LETMD1: variants seen among roughly 807,000 people sequenced by gnomAD.
LETMD1 encodes LETM1 domain-containing protein 1.
LETMD1 carries 30 observed loss-of-function variants against 43.9 expected under a neutral mutation model. The ratio of observed to expected loss-of-function variants is 0.68; its 90% CI spans 0.51 to 0.93. The LOEUF is 0.93. Ranked by LOEUF, LETMD1 falls within the 40% of genes least tolerant of loss-of-function variation. LETMD1 has a pLI of 0.00. For synonymous variants in LETMD1, 176 were observed against 163.1 expected, an observed-to-expected ratio of 1.08 and a Z score of -0.60; for missense variants, 413 against 447.7, an observed-to-expected ratio of 0.92 and a Z score of 0.70.
Position 51,052,088 on chromosome 12 carries a change from G to T in LETMD1, c.275-4G>T. 1.2e-6 allele frequency: 2 copies of T among 1,612,928 alleles called. No individual in the cohort carries two copies. Among genetic ancestry groups the T allele is most frequent in the Non-Finnish European group, 1.7e-6 (2 of 1,179,298 alleles). ...ACACTCTGTCCTCTACTTTAATGAGGCAGGATTGCAGATGTTATGGGCTGA... is the reference window on the plus strand; with the variant it reads ...ACACTCTGTCCTCTACTTTAATGAGTCAGGATTGCAGATGTTATGGGCTGA... On this transcript the variant is annotated splice_polypyrimidine_tract_variant and splice_region_variant and intron_variant, in intron 2 of 8. Transcript: ENST00000262055.
downstream of LETMD1, chr12:51,061,680 T>C (rs1239944807): frequency 6.6e-6 from 1 of 152,292 alleles, no homozygotes; most frequent in Non-Finnish European, 1.5e-5. Flanking sequence ...ACATATCTTG[T>C]GGGTTGGCAA....
In LETMD1 at chr12:51,056,156, A is replaced by G; in HGVS notation, c.673A>G (p.Thr225Ala). 1 of 1,614,150 alleles carries G rather than the reference A, an allele frequency of 6.2e-7. No homozygotes were observed. The highest frequency in any genetic ancestry group is 1.7e-5 in the Admixed American group (1 of 60,030). The change falls in exon 6 of 9, where the codon ACC becomes GCC. Residue 225 changes from threonine (T) to alanine (A), a missense_variant. Transcript: ENST00000262055. The part of the protein sequence containing the change: ...TDLCTKIQRG[T>A]HPAIHDILAL... ...TACCTCTTCCAAGATACAGCGTGGT[A>G]CCCACCCAGCAATACATGATATCTT...
the LETMD1 span, among the ~76,000 whole-genome samples, chr12:51,065,995 T>C: frequency 3.9e-5 from 6 of 152,182 alleles, no homozygotes; most frequent in Non-Finnish European, 8.8e-5. Context: ...TGTTTTCAAC[T>C]GAAATGTGTC....
At chr12:51,051,908 G>T (rs1946277610) in intron 2 of LETMD1, among the ~76,000 whole-genome samples, 184 bp from the exon 3 acceptor site, 1 of 152,142 alleles carries the variant, frequency 6.6e-6, no homozygotes, top group East Asian at 1.9e-4. Flanking sequence ...TGTGCTAGGG[G>T]AAAAAATGTT....
downstream of LETMD1, among the ~76,000 whole-genome samples, chr12:51,065,014 T>C (rs900274829): frequency 2.6e-5 from 4 of 152,182 alleles, no homozygotes; most frequent in South Asian, 6.2e-4. Flanking sequence ...TGAATGCTGA[T>C]AGTTTTCACA....
At chr12:51,063,954 A>T (rs1592736544), downstream of LETMD1, 1 of 1,612,576 alleles carries the variant, frequency 6.2e-7, no homozygotes, top group Admixed American at 1.7e-5. Flanking sequence ...TGTTTTCCCC[A>T]CCTCTGATTT....
chr12:51,063,813 T>C, downstream of LETMD1: 2 of 1,610,400 alleles, frequency 1.2e-6, no homozygotes, highest in African/African-American at 1.3e-5. Flanking sequence ...CTGGGAGGTC[T>C]TCACCATCCC....
rs1341075777 is a variant in LETMD1 at position 51,049,020 on chromosome 12, G to A, written c.123-14G>A. On this transcript the variant is annotated splice_polypyrimidine_tract_variant and intron_variant, in intron 1 of 8. Transcript: ENST00000262055. ...GGACTGATTCCCAGATAGTCTCTTTGATCTTCCTTGTAGGTCTTCAAAGCT... is the reference window on the plus strand; with the variant it reads ...GGACTGATTCCCAGATAGTCTCTTTAATCTTCCTTGTAGGTCTTCAAAGCT... 1.9e-6 allele frequency: 3 copies of A among 1,610,812 alleles called. No individual in the cohort carries two copies. The highest frequency in any genetic ancestry group is 2.2e-5 in the East Asian group (1 of 44,848).
chr12:51,068,584 G>A, the LETMD1 span, among the ~76,000 whole-genome samples: 5 of 152,024 alleles, frequency 3.3e-5, no homozygotes, highest in African/African-American at 9.7e-5. Context: ...TCAAAAACCC[G>A]TCTCATCTTC....
intron 2 of LETMD1, among the ~76,000 whole-genome samples, chr12:51,050,353 G>A (rs866964404): frequency 6.6e-6 from 1 of 151,482 alleles, no homozygotes; most frequent in South Asian, 2.1e-4. Context: ...CTCCCAAGTA[G>A]CTGGGAATAC....
intron 4 of LETMD1, among the ~76,000 whole-genome samples, chr12:51,054,480 G>A (rs899073793): frequency 6.6e-6 from 1 of 152,148 alleles, no homozygotes; most frequent in African/African-American, 2.4e-5. Context: ...TCTTATGTCT[G>A]GTGCCCTGGC....
downstream of LETMD1, among the ~76,000 whole-genome samples, chr12:51,065,197 T>A (rs188962125): frequency 1.3e-5 from 2 of 152,290 alleles, no homozygotes; most frequent in African/African-American, 4.8e-5. Context: ...GTGCCTTAGT[T>A]TGCTAAGGTG....
At chr12:51,064,953 AC>A (rs946932086), downstream of LETMD1, among the ~76,000 whole-genome samples, 2 of 152,228 alleles carry the variant, frequency 1.3e-5, no homozygotes, top group African/African-American at 4.8e-5. Context: ...TAACAAGTAG[AC>A]AAAATCACAG....
At chr12:51,050,232 A>T (rs570714962) in intron 2 of LETMD1, among the ~76,000 whole-genome samples, 9 of 145,180 alleles carry the variant, frequency 6.2e-5, no homozygotes, top group South Asian at 2.2e-4. Context: ...TTTATTATGA[A>T]TTTTTTTTTT....
chr12:51,051,264 T>C (rs557268622), intron 2 of LETMD1, among the ~76,000 whole-genome samples: 5 of 149,706 alleles, frequency 3.3e-5, no homozygotes, highest in African/African-American at 1.2e-4. Context: ...ATTAGCCAGG[T>C]GTGGTGATGG....
intron 3 of LETMD1, among the ~76,000 whole-genome samples, chr12:51,053,077 A>G (rs948973465): frequency 6.6e-6 from 1 of 151,466 alleles, no homozygotes; most frequent in Non-Finnish European, 1.5e-5. Context: ...GCGCCACTGC[A>G]CTCCAGCCTG....
At chr12:51,067,047 C>T in the LETMD1 span, among the ~76,000 whole-genome samples, 1 of 151,992 alleles carries the variant, frequency 6.6e-6, no homozygotes, top group Non-Finnish European at 1.5e-5. This position sits in a 1 kb window ranked among gnomAD's most constrained non-coding sequence, Gnocchi z 4.1. Context: ...CCAGGCTGGT[C>T]TCGAACTCCT....
At chr12:51,058,438 G>T (rs982759277) in intron 8 of LETMD1, 1 of 272,748 alleles carries the variant, frequency 3.7e-6, no homozygotes, top group Non-Finnish European at 7.0e-6. Flanking sequence ...TTTATTTTGA[G>T]ACGGGGTTTC....
the LETMD1 span, chr12:51,067,652 C>T: frequency 6.2e-7 from 1 of 1,607,182 alleles, no homozygotes; most frequent in South Asian, 1.1e-5. This position sits in a 1 kb window ranked among gnomAD's most constrained non-coding sequence, Gnocchi z 4.1. Context: ...GATATACTAT[C>T]TCAGGCCAAC....
Sources: allele counts gnomAD v4.1 joint callset (sites outside exome capture counted in the v4.1 genomes callset), GRCh38; gene constraint gnomAD v4.1.1; non-coding constraint Gnocchi (gnomAD v3.1); transcripts MANE v1.5; gene names NCBI Gene and HGNC (gene_info 2026-07-23, HGNC 2026-07-21).